The following USP50 variants were observed in gnomAD, a reference collection of about 807,000 sequenced individuals.
USP50 encodes the protein ubiquitin carboxyl-terminal hydrolase 50.
A neutral mutation model predicts 39.2 loss-of-function variants in USP50; 37 were observed. That is an observed-to-expected ratio of 0.94 (90% CI 0.73 to 1.24). The LOEUF is 1.24. USP50 is among the 50% of genes most tolerant of loss of function. The pLI, the probability that USP50 is intolerant of heterozygous loss-of-function variation, is 0.00. For missense variants in USP50, 374 were observed against 398.2 expected, an observed-to-expected ratio of 0.94 and a Z score of 0.52; for synonymous variants, 139 against 144.5, an observed-to-expected ratio of 0.96 and a Z score of 0.27.
At chr15:50,531,883 GGAAA>G (rs1422892877) in intron 5 of USP50, 1 of 252,196 alleles carries the variant, frequency 4.0e-6, no homozygotes, top group African/African-American at 2.2e-5. Context: ...CCCTCAGGAA[GGAAA>G]GAATTAACCG....
At chr15:50,525,738 TATA>T (rs2052892501) in intron 6 of USP50, among the ~76,000 whole-genome samples, 1 of 146,866 alleles carries the variant, frequency 6.8e-6, no homozygotes, top group African/African-American at 2.5e-5. Flanking sequence ...TGTATATGTA[TATA>T]ATCTCTCAAA....
chr15:50,512,896 G>A (rs981620150), intron 6 of USP50: 2 of 151,990 alleles, frequency 1.3e-5, no homozygotes, highest in Non-Finnish European at 2.9e-5. Flanking sequence ...TTTAAGTTGG[G>A]AAACAAAAAG....
downstream of USP50, chr15:50,493,050 TTTCTC>T (rs762888687): frequency 7.5e-6 from 7 of 931,026 alleles, no homozygotes; most frequent in South Asian, 9.7e-5. Flanking sequence ...AAAAATTTAT[TTTCTC>T]TTAGTTCTTG....
intron 6 of USP50, among the ~76,000 whole-genome samples, chr15:50,514,813 C>A (rs1479227408): frequency 6.6e-6 from 1 of 151,842 alleles, no homozygotes; most frequent in Non-Finnish European, 1.5e-5. Context: ...CAGGCGTGAG[C>A]CACCACCCCT....
chr15:50,495,488 G>A (rs535330043), intron 1 of USP50, among the ~76,000 whole-genome samples: 2 of 148,484 alleles, frequency 1.3e-5, no homozygotes, highest in Non-Finnish European at 3.0e-5. Context: ...GAGATTGGAG[G>A]GGGGGGTCTC....
chr15:50,506,970 A>C (rs2052671126), intron 6 of USP50: 1 of 150,696 alleles, frequency 6.6e-6, no homozygotes, highest in Non-Finnish European at 1.5e-5. Context: ...AAAAAAAAAA[A>C]AAAAAAAAAA....
chr15:50,523,175 C>CTTT (rs57450027), intron 6 of USP50, among the ~76,000 whole-genome samples: 20,426 of 103,822 alleles, frequency 0.2, 3,120 homozygotes, highest in East Asian at 0.44. Flanking sequence ...AAATCAGTAG[C>CTTT]TTTTTTTTTT....
intron 6 of USP50, among the ~76,000 whole-genome samples, chr15:50,517,938 T>TG (rs1356633693): frequency 6.6e-6 from 1 of 152,232 alleles, no homozygotes; most frequent in African/African-American, 2.4e-5. Flanking sequence ...CTCTAACTAC[T>TG]GGGCTCAAGC....
chr15:50,525,053 G>C (rs1440793866), intron 6 of USP50, among the ~76,000 whole-genome samples: 1 of 152,154 alleles, frequency 6.6e-6, no homozygotes, highest in Non-Finnish European at 1.5e-5. Flanking sequence ...GTGGATAAAT[G>C]AATAAAGAAA....
At chr15:50,517,184 G>A (rs1445239905) in intron 6 of USP50, among the ~76,000 whole-genome samples, 1 of 152,136 alleles carries the variant, frequency 6.6e-6, no homozygotes, top group African/African-American at 2.4e-5. Flanking sequence ...AAAAATGTAA[G>A]CGGAGGCCAG....
intron 6 of USP50, among the ~76,000 whole-genome samples, chr15:50,527,047 A>G (rs1479204204): frequency 6.6e-6 from 1 of 152,212 alleles, no homozygotes; most frequent in Non-Finnish European, 1.5e-5. Flanking sequence ...GGCTCATGCA[A>G]AGGCTGGATA....
intron 5 of USP50, 100 bp downstream of exon 5, chr15:50,538,609 T>C: frequency 7.3e-6 from 9 of 1,235,634 alleles, no homozygotes; most frequent in Non-Finnish European, 8.7e-6. Context: ...CCAAATATCA[T>C]TGAATTGTAT....
At chr15:50,530,081 C>A (rs994137555) in intron 5 of USP50, among the ~76,000 whole-genome samples, 152 bp from the exon 6 acceptor site, 2 of 152,036 alleles carry the variant, frequency 1.3e-5, no homozygotes, top group Non-Finnish European at 1.5e-5. Context: ...CCAAGGTGGA[C>A]ATATCCCTTG....
intron 5 of USP50, among the ~76,000 whole-genome samples, chr15:50,531,344 C>A (rs891165001): frequency 5.3e-5 from 8 of 152,070 alleles, no homozygotes; most frequent in Admixed American, 2.6e-4. Context: ...GAGACATAAG[C>A]AACTATGGTA....
chr15:50,541,137 C>T lies in USP50; in HGVS notation c.572G>A (p.Cys191Tyr). ...GTAGGTGCATTTCTCACACTTTAAACATACGATGCTATAATTGAGCTGCTC... is the reference window on the plus strand; with the variant it reads ...GTAGGTGCATTTCTCACACTTTAAATATACGATGCTATAATTGAGCTGCTC... ...FEEQLNYSIV[C>Y]LKCEKCTYKN... The change falls in exon 4 of 7, where the codon TGT (cysteine) becomes TAT (tyrosine). Residue 191 changes from cysteine (C) to tyrosine (Y), a missense_variant. Coordinates refer to ENST00000532404, the MANE Select transcript of USP50 (RefSeq NM_203494.5). 1 of 1,613,906 alleles carries T rather than the reference C, an allele frequency of 6.2e-7. No individual in the cohort carries two copies.
chr15:50,493,192 T>A (rs1474016014), downstream of USP50: 1 of 525,356 alleles, frequency 1.9e-6, no homozygotes, highest in Non-Finnish European at 3.6e-6. Context: ...CCTAATCCTG[T>A]TCACCCGGGA....
intron 5 of USP50, among the ~76,000 whole-genome samples, chr15:50,530,231 C>A (rs2052929537): frequency 2.0e-5 from 3 of 151,976 alleles, no homozygotes; most frequent in African/African-American, 7.3e-5. Context: ...TGCAGTGAGT[C>A]GTGATTGTGC....
chr15:50,506,765 C>T (rs1017662765), intron 6 of USP50: 4 of 151,840 alleles, frequency 2.6e-5, no homozygotes, highest in African/African-American at 9.7e-5. Context: ...CAAGACTATC[C>T]TGGCCAACAC....
rs1001745705 is a variant in USP50, at chr15:50,541,348, CAA to C, written c.445-86_445-85del. 8.0e-6 allele frequency: 9 copies of C among 1,120,338 alleles called. No homozygotes were observed. The South Asian group carries it at 1.4e-4, about 17-fold the overall frequency. The allele number at this position is 1,120,338 out of a possible 1,614,324, so 69.4% of individuals were successfully genotyped here. ...GCAACATGGTGAGATCCCATCTCTA[CAA>C]AAAAAACAAAAAATTAGCTAGGCAT... On this transcript the variant is annotated intron_variant, in intron 3 of 6. Coordinates refer to ENST00000532404, the MANE Select transcript of USP50 (RefSeq NM_203494.5).
Sources: allele counts gnomAD v4.1 joint callset (sites outside exome capture counted in the v4.1 genomes callset), GRCh38; gene constraint gnomAD v4.1.1; transcripts MANE v1.5; gene names NCBI Gene and HGNC (gene_info 2026-07-23, HGNC 2026-07-21).